The following RNF180 variants were observed in gnomAD, a reference collection of about 807,000 sequenced individuals.
RNF180 encodes E3 ubiquitin-protein ligase RNF180.
RNF180 carries 38 observed loss-of-function variants against 59.2 expected under a neutral mutation model. The observed-to-expected ratio is 0.64, with a 90% confidence interval of 0.50 to 0.84. RNF180 has a LOEUF of 0.84. Ranked by LOEUF, RNF180 falls within the 40% of genes least tolerant of loss-of-function variation. The probability of loss-of-function intolerance (pLI) is 0.00; values close to 1 mark genes in which losing one functional copy is unlikely to be tolerated. For synonymous variants in RNF180, 262 were observed against 240.3 expected, an observed-to-expected ratio of 1.09 and a Z score of -0.84; for missense variants, 705 against 700.9, an observed-to-expected ratio of 1.01 and a Z score of -0.07.
At chr5:64,348,782 A>AT (rs1335695774) in intron 7 of RNF180, among the ~76,000 whole-genome samples, 7 of 152,096 alleles carry the variant, frequency 4.6e-5, no homozygotes, top group Non-Finnish European at 1.0e-4. Context: ...TATAAAACAG[A>AT]TTTTTTAGTT....
At chr5:64,231,584 C>T (rs887493500) in intron 5 of RNF180, among the ~76,000 whole-genome samples, 5 of 152,136 alleles carry the variant, frequency 3.3e-5, no homozygotes, top group Admixed American at 6.5e-5. Flanking sequence ...AATCATTATG[C>T]GAAATATTGA....
In RNF180 at chr5:64,175,060, C is replaced by T. The variant is rs534619761; in HGVS notation, c.-1+9107C>T. Among the ~76,000 whole-genome samples, 1,152 of 151,478 alleles carry T rather than the reference C, an allele frequency of 7.6e-3. 7 individuals carry two copies. The highest frequency in any genetic ancestry group is 0.012 in the South Asian group (59 of 4,786). ...TCGGCTCACTGCAACTTCCACCTCCCGGGTTCAAATGATTCTCCTGCCTCA... is the reference window on the plus strand; with the variant it reads ...TCGGCTCACTGCAACTTCCACCTCCTGGGTTCAAATGATTCTCCTGCCTCA... On this transcript the variant is annotated intron_variant, in intron 1 of 7. Transcript: ENST00000389100.
chr5:64,233,536 A>G (rs1742225013), intron 5 of RNF180, among the ~76,000 whole-genome samples: 1 of 152,202 alleles, frequency 6.6e-6, no homozygotes, highest in South Asian at 2.1e-4. Flanking sequence ...ATTCTTTCCT[A>G]ATTATCATGG....
intron 5 of RNF180, among the ~76,000 whole-genome samples, chr5:64,294,395 A>G (rs1742776381): frequency 6.6e-6 from 1 of 152,202 alleles, no homozygotes; most frequent in Admixed American, 6.5e-5. Context: ...TAAAAATAAA[A>G]TTCTATATTT....
chr5:64,235,140 T>A (rs1742356586), intron 5 of RNF180, among the ~76,000 whole-genome samples: 1 of 152,026 alleles, frequency 6.6e-6, no homozygotes, highest in Non-Finnish European at 1.5e-5. Flanking sequence ...AAAAATTAGC[T>A]GGGCATGTTG....
chr5:64,344,526 G>GAA (rs768866161), intron 7 of RNF180, among the ~76,000 whole-genome samples: 1 of 113,136 alleles, frequency 8.8e-6, no homozygotes, highest in African/African-American at 4.5e-5. Flanking sequence ...GGAACTGCTA[G>GAA]AAAAAAAAAC....
rs1399995206 is a variant in RNF180, at chr5:64,371,982, ATC to A, written c.*2173_*2174del. 6.6e-6 allele frequency: 1 copy of A among 151,702 alleles called. No individual in the cohort carries two copies. The highest frequency in any genetic ancestry group is 1.5e-5 in the Non-Finnish European group (1 of 67,784). The allele number at this position is 151,702 out of a possible 1,614,324, so 9.4% of individuals were successfully genotyped here. A position where few individuals can be genotyped will look rare whatever the true frequency, so the allele number is the denominator to read the frequency against. On this transcript the variant is annotated 3_prime_UTR_variant, in exon 8 of 8. Coordinates refer to ENST00000389100, the MANE Select transcript of RNF180 (RefSeq NM_001113561.2). ...AAAAATTATAATGCTCTTCCTAAGC[ATC>A]TCTCACAGTAAAAACTCACTGTCCA...
intron 7 of RNF180, among the ~76,000 whole-genome samples, chr5:64,346,351 C>CTTTTTTTTTTTTTTTT (rs1745554217): frequency 1.9e-5 from 1 of 53,616 alleles, no homozygotes; most frequent in Non-Finnish European, 4.1e-5. Context: ...TTCTTTTTTT[C>CTTTTTTTTTTTTTTTT]TTTTCTTCTT....
At chr5:64,265,947 G>A (rs750691041) in intron 5 of RNF180, among the ~76,000 whole-genome samples, 1 of 152,090 alleles carries the variant, frequency 6.6e-6, no homozygotes, top group Non-Finnish European at 1.5e-5. Context: ...TCCCTTGTAA[G>A]TTGTATTCCT....
chr5:64,273,301 G>A (rs1057130372), intron 5 of RNF180, among the ~76,000 whole-genome samples: 12 of 151,924 alleles, frequency 7.9e-5, no homozygotes, highest in African/African-American at 2.9e-4. Flanking sequence ...CCCTTGTTTA[G>A]CATGTAATCA....
chr5:64,265,598 G>A (rs1012380415), intron 5 of RNF180, among the ~76,000 whole-genome samples: 4 of 152,054 alleles, frequency 2.6e-5, no homozygotes, highest in African/African-American at 7.2e-5. Context: ...TTCTATTTTG[G>A]TACCAGTACC....
At chr5:64,302,176 A>G (rs1011199089) in intron 5 of RNF180, among the ~76,000 whole-genome samples, 2 of 151,578 alleles carry the variant, frequency 1.3e-5, no homozygotes, top group African/African-American at 4.8e-5. Flanking sequence ...CATATACCCA[A>G]TATACACTGC....
chr5:64,344,594 A>G (rs1745483878), intron 7 of RNF180, among the ~76,000 whole-genome samples: 1 of 152,034 alleles, frequency 6.6e-6, no homozygotes, highest in Admixed American at 6.6e-5. Flanking sequence ...CTAATCTGAA[A>G]GTTTGGGGCT....
intron 5 of RNF180, among the ~76,000 whole-genome samples, chr5:64,264,395 G>A (rs1048719372): frequency 2.7e-5 from 4 of 149,124 alleles, no homozygotes; most frequent in Non-Finnish European, 4.4e-5. Context: ...TCCCACCCCC[G>A]ACAGGCCCCA....
At chr5:64,166,609 G>GT (rs886151085) in intron 1 of RNF180, among the ~76,000 whole-genome samples, 134 of 152,080 alleles carry the variant, frequency 8.8e-4, no homozygotes, top group African/African-American at 3.0e-3. Flanking sequence ...ATTCCACCTT[G>GT]TTTTTTTTCG....
chr5:64,326,081 C>T lies in RNF180; in HGVS notation c.1453+670C>T, dbSNP rs551763377. Among the ~76,000 whole-genome samples the T allele has an allele frequency of 7.2e-5, 11 of 152,212 alleles. No homozygotes were observed. The South Asian group carries it at 2.3e-3, about 32-fold the overall frequency. On this transcript the variant is annotated intron_variant, in intron 6 of 7. Transcript: ENST00000389100. Reference sequence around the variant, plus strand: ...GGGAAATTTTCTATCTTCACATTCTCCTCTCAGCCATAAAGGAGCCAAATG... The same window carrying T: ...GGGAAATTTTCTATCTTCACATTCTTCTCTCAGCCATAAAGGAGCCAAATG...
chr5:64,248,536 C>T (rs892034981), intron 5 of RNF180, among the ~76,000 whole-genome samples: 8 of 152,076 alleles, frequency 5.3e-5, no homozygotes, highest in South Asian at 2.1e-4. Flanking sequence ...TAGAGAAATG[C>T]AAATCAAAAC....
At chr5:64,197,551 A>G (rs1751518481) in intron 1 of RNF180, among the ~76,000 whole-genome samples, 1 of 152,232 alleles carries the variant, frequency 6.6e-6, no homozygotes, top group Non-Finnish European at 1.5e-5. Context: ...TTACCACCAT[A>G]TAGATGCAAA....
chr5:64,269,802 A>G (rs1012884456), intron 5 of RNF180, among the ~76,000 whole-genome samples: 1 of 152,080 alleles, frequency 6.6e-6, no homozygotes, highest in Admixed American at 6.6e-5. Context: ...ATTTGAAACA[A>G]TGTATTTTGG....
Sources: allele counts gnomAD v4.1 joint callset (sites outside exome capture counted in the v4.1 genomes callset), GRCh38; gene constraint gnomAD v4.1.1; transcripts MANE v1.5; gene names NCBI Gene and HGNC (gene_info 2026-07-23, HGNC 2026-07-21).